Variants in SLC12A3 observed in about 807,000 individuals in gnomAD.
The protein encoded by SLC12A3 is solute carrier family 12 member 3, also known as Na-Cl cotransporter.
In SLC12A3, 104 loss-of-function variants were observed where a neutral mutation model predicts 121.0. The ratio of observed to expected loss-of-function variants is 0.86; its 90% CI spans 0.73 to 1.01. The LOEUF is 1.01. SLC12A3 is among the 50% of genes least tolerant of loss of function. SLC12A3 has a pLI of 0.00. For missense variants in SLC12A3, 1,328 were observed against 1,356.3 expected (o/e 0.98, Z 0.33); for synonymous variants, 536 against 533.4 (o/e 1.00, Z -0.07).
intron 2 of SLC12A3, 151 bp downstream of exon 2, chr16:56,867,367 A>G: frequency 2.4e-6 from 2 of 839,500 alleles, no homozygotes; most frequent in Non-Finnish European, 3.6e-6. Flanking sequence ...TCAATAGACA[A>G]TAGATTAAAG....
At chr16:56,901,038 G>A (rs779002521) in intron 23 of SLC12A3, among the ~76,000 whole-genome samples, 11 of 150,924 alleles carry the variant, frequency 7.3e-5, no homozygotes, top group Non-Finnish European at 1.0e-4. Context: ...CCTCCACGTT[G>A]CCACACCCAC....
Position 56,904,365 on chromosome 16 carries a change from G to C in SLC12A3, c.2857-30G>C, listed in dbSNP as rs780472751. The C allele has an allele frequency of 1.9e-6, 3 of 1,608,346 alleles. No individual in the cohort carries two copies. The East Asian group carries it at 6.7e-5, about 36-fold the overall frequency. On this transcript the variant is annotated intron_variant, in intron 24 of 25. Coordinates refer to ENST00000563236, the MANE Select transcript of SLC12A3 (RefSeq NM_001126108.2). ...GGATTGAGTGACCTCGATGATATGG[G>C]AAGTGACCACTCGGCTTTCTCCCGC...
At chr16:56,871,082 G>A (rs184701537) in intron 6 of SLC12A3, among the ~76,000 whole-genome samples, 32 of 152,148 alleles carry the variant, frequency 2.1e-4, no homozygotes, top group East Asian at 1.5e-3. Flanking sequence ...TGATCTGCCC[G>A]CCTTGGCCTC....
rs2144732990 is a variant in SLC12A3 at position 56,887,958 on chromosome 16, C to T, written c.2212C>T (p.Leu738=). 6.2e-7 allele frequency: 1 copy of T among 1,613,238 alleles called. No individual in the cohort carries two copies. Among genetic ancestry groups the T allele is most frequent in the Middle Eastern group, 1.7e-4 (1 of 6,054 alleles). The change falls in exon 18 of 26, where the codon CTG becomes TTG. Residue 738 remains leucine, a synonymous_variant. Coordinates refer to ENST00000563236, the MANE Select transcript of SLC12A3 (RefSeq NM_001126108.2). ...TCTCGGGAGAATGAAGCCCAACATTCTGGTGGTTGGGTTCAAGAAGAACTG... is the reference window on the plus strand; with the variant it reads ...TCTCGGGAGAATGAAGCCCAACATTTTGGTGGTTGGGTTCAAGAAGAACTG... ...AGLGRMKPNI[L]VVGFKKNWQS... is the part of the protein sequence containing the mutation.
At position 56,900,705 on chromosome 16, in the gene SLC12A3, ATT is replaced by A. The variant is rs761059481; in HGVS notation, c.2720+1093_2720+1094del. Reference sequence around the variant, plus strand: ...ACCACTGTGCCCGGCTAAATTTGGTATTTTTAGTAGAGATGGGGTTTCACCAT... The same window carrying A: ...ACCACTGTGCCCGGCTAAATTTGGTATTTAGTAGAGATGGGGTTTCACCAT... On this transcript the variant is annotated intron_variant, in intron 23 of 25. Transcript: ENST00000563236. Among the ~76,000 whole-genome samples, 3 of 151,994 alleles carry A rather than the reference ATT, an allele frequency of 2.0e-5. No homozygotes were observed. The East Asian group carries it at 5.8e-4, about 29-fold the overall frequency.
At chr16:56,892,005 G>A in intron 19 of SLC12A3, 78 bp from the exon 20 acceptor site, 1 of 1,072,508 alleles carries the variant, frequency 9.3e-7, no homozygotes, top group Non-Finnish European at 1.5e-6. Flanking sequence ...CTAGCATTAA[G>A]GGAGCCCTGT....
Position 56,902,453 on chromosome 16 carries a change from G to A in SLC12A3, c.2801G>A (p.Arg934Gln), listed in dbSNP as rs56259558. 6.3e-5 allele frequency: 101 copies of A among 1,613,540 alleles called. No individual in the cohort carries two copies. The highest frequency in any genetic ancestry group is 1.2e-4 in the African/African-American group (9 of 74,720). ...FKDEATVNEM[R>Q]RDCPWKISDE... The stretch of plus-strand genomic sequence containing the variant: ...GATGAGGCCACTGTCAACGAGATGC[G>A]GCGGGACTGCCCCTGGAAGATCTCA... Residue 934 changes from arginine (R) to glutamine (Q), a missense_variant, in exon 24 of 26, where the codon CGG becomes CAG. By Grantham distance (43) the Arg-to-Gln change is conservative. Transcript: ENST00000563236.
Position 56,900,692 on chromosome 16 carries a change from G to A in SLC12A3, c.2720+1076G>A, listed in dbSNP as rs113263824. On this transcript the variant is annotated intron_variant, in intron 23 of 25. Coordinates refer to ENST00000563236, the MANE Select transcript of SLC12A3 (RefSeq NM_001126108.2). Reference sequence around the variant, plus strand: ...ATTACAGGAGCACACCACTGTGCCCGGCTAAATTTGGTATTTTTAGTAGAG... The same window carrying A: ...ATTACAGGAGCACACCACTGTGCCCAGCTAAATTTGGTATTTTTAGTAGAG... 2.0e-4 allele frequency among the ~76,000 whole-genome samples: 31 copies of A among 151,942 alleles called. No individual in the cohort carries two copies. In the South Asian group the frequency reaches 5.4e-3, roughly 26 times the overall value.
intron 14 of SLC12A3, 37 bp downstream of exon 14, chr16:56,884,241 C>T (rs1390618187): frequency 1.2e-6 from 2 of 1,611,720 alleles, no homozygotes; most frequent in East Asian, 2.2e-5. Context: ...GCCCTCCTCC[C>T]CCAGGGTAGC....
Position 56,913,638 on chromosome 16 carries a change from A to G in SLC12A3, c.*233A>G, listed in dbSNP as rs969468546. 1.5e-5 allele frequency: 9 copies of G among 583,630 alleles called. No individual in the cohort carries two copies. Among genetic ancestry groups the G allele is most frequent in the Non-Finnish European group, 2.1e-5 (7 of 326,016 alleles). The allele number at this position is 583,630 out of a possible 1,614,324, so 36.2% of individuals were successfully genotyped here. ...CTAGAGAAATAGCAGATGGAGCTGC[A>G]AGGAAAACTCTCTAAAGCATCCTAT... On this transcript the variant is annotated 3_prime_UTR_variant, in exon 26 of 26. Coordinates refer to ENST00000563236, the MANE Select transcript of SLC12A3 (RefSeq NM_001126108.2).
intron 5 of SLC12A3, 43 bp from the exon 6 acceptor site, chr16:56,870,583 A>T (rs1358818991): frequency 1.5e-6 from 2 of 1,299,914 alleles, no homozygotes; most frequent in African/African-American, 2.9e-5. Context: ...GGGATGGGGA[A>T]TTCAGAGGGT....
In SLC12A3 at chr16:56,879,084, G is replaced by GTGCGTGA. The variant is rs751871500; in HGVS notation, c.1196_1202dup (p.Ser402Ter). 63 of 1,611,166 alleles carry GTGCGTGA rather than the reference G, an allele frequency of 3.9e-5. No individual in the cohort carries two copies. The highest frequency in any genetic ancestry group is 5.3e-5 in the Non-Finnish European group (63 of 1,179,180). On this transcript the variant is annotated frameshift_variant, in exon 10 of 26. Transcript: ENST00000563236. LOFTEE classifies it high-confidence loss of function. ...CTTCCTCCTCTCAGGCTCCTGCGTG[G>GTGCGTGA]TGCGTGATGCCTCTGGGGTCCTGAA...
intron 6 of SLC12A3, among the ~76,000 whole-genome samples, chr16:56,871,937 G>A (rs1486845523): frequency 6.6e-6 from 1 of 152,106 alleles, no homozygotes; most frequent in African/African-American, 2.4e-5. Context: ...TGGCCAGGCT[G>A]ATCTCGAACT....
At position 56,886,449 on chromosome 16, in the gene SLC12A3, C is replaced by T. The variant is rs2144728693; in HGVS notation, c.2011C>T (p.Leu671=). Residue 671 remains leucine, a synonymous_variant, in exon 16 of 26, where the codon CTG becomes TTG. Coordinates refer to ENST00000563236, the MANE Select transcript of SLC12A3 (RefSeq NM_001126108.2). ...GGGCACCTTCACCCGGAACCTCAGCCTGATGATCTGTGGCCACGTGCTCAT... is the reference window on the plus strand; with the variant it reads ...GGGCACCTTCACCCGGAACCTCAGCTTGATGATCTGTGGCCACGTGCTCAT... The part of the protein sequence containing the change: ...FVGTFTRNLS[L]MICGHVLIGP... 1 of 1,614,036 alleles carries T rather than the reference C, an allele frequency of 6.2e-7. No individual in the cohort carries two copies. The highest frequency in any genetic ancestry group is 1.3e-5 in the African/African-American group (1 of 75,080).
intron 12 of SLC12A3, among the ~76,000 whole-genome samples, chr16:56,880,982 C>A (rs2055232582): frequency 6.6e-6 from 1 of 152,234 alleles, no homozygotes; most frequent in African/African-American, 2.4e-5. Flanking sequence ...CTCATATGTG[C>A]ACACATACTC....
chr16:56,865,524 G>C lies in SLC12A3; in HGVS notation c.282+7G>C. The stretch of plus-strand genomic sequence containing the variant: ...CCTGCACTCCTTCCTCAAGGTAAGT[G>C]CTGTCTCAGAAGACTGGCCACTTCC... On this transcript the variant is annotated splice_region_variant and intron_variant, in intron 1 of 25. Coordinates refer to ENST00000563236, the MANE Select transcript of SLC12A3 (RefSeq NM_001126108.2). The C allele has an allele frequency of 6.2e-7, 1 of 1,610,274 alleles. No individual in the cohort carries two copies. The highest frequency in any genetic ancestry group is 1.1e-5 in the South Asian group (1 of 91,082).
At chr16:56,879,929 C>G (rs1234603124) in intron 11 of SLC12A3, among the ~76,000 whole-genome samples, 1 of 152,170 alleles carries the variant, frequency 6.6e-6, no homozygotes, top group African/African-American at 2.4e-5. Context: ...ATCCATCCCC[C>G]AGTCATGCTC....
chr16:56,871,708 C>CTTCT (rs1292045076), intron 6 of SLC12A3, among the ~76,000 whole-genome samples: 1 of 151,922 alleles, frequency 6.6e-6, no homozygotes, highest in Non-Finnish European at 1.5e-5. Context: ...CACACTCCCT[C>CTTCT]TTCTTTATTT....
chr16:56,885,519 G>A (rs2055299046), intron 15 of SLC12A3, among the ~76,000 whole-genome samples, 155 bp downstream of exon 15: 1 of 152,142 alleles, frequency 6.6e-6, no homozygotes, highest in Admixed American at 6.5e-5. Flanking sequence ...GAGCCACCCA[G>A]CCACCACAAG....
Sources: gnomAD v4.1 joint callset for allele counts (sites outside exome capture counted in the v4.1 genomes callset) on GRCh38, gnomAD v4.1.1 for gene constraint, MANE v1.5 for transcripts, NCBI Gene and HGNC (gene_info 2026-07-23, HGNC 2026-07-21) for gene names.